ADAMTS9: variants seen among roughly 807,000 people sequenced by gnomAD.
The protein encoded by ADAMTS9 is A disintegrin and metalloproteinase with thrombospondin motifs 9.
A neutral mutation model predicts 257.1 loss-of-function variants in ADAMTS9; 107 were observed. That is an observed-to-expected ratio of 0.42 (90% CI 0.36 to 0.49). ADAMTS9 has a LOEUF of 0.49. Ranked by LOEUF, ADAMTS9 falls within the 20% of genes least tolerant of loss-of-function variation. The pLI is 0.03. For synonymous variants in ADAMTS9, 982 were observed against 880.9 expected, an observed-to-expected ratio of 1.11 and a Z score of -2.03; for missense variants, 2,353 against 2,469.1, an observed-to-expected ratio of 0.95 and a Z score of 1.00.
intron 18 of ADAMTS9, among the ~76,000 whole-genome samples, chr3:64,621,524 G>A (rs952681503): frequency 3.9e-5 from 6 of 152,140 alleles, no homozygotes; most frequent in Admixed American, 3.9e-4. Context: ...CATTTTGGGA[G>A]GCTGAGGTGG....
intron 20 of ADAMTS9, 122 bp downstream of exon 20, chr3:64,615,838 T>G: frequency 1.7e-6 from 2 of 1,190,654 alleles, no homozygotes; most frequent in Non-Finnish European, 2.4e-6. Flanking sequence ...GGGTCAGGCA[T>G]TACAAATCAA....
chr3:64,643,617 T>C (rs1700714864), intron 11 of ADAMTS9, among the ~76,000 whole-genome samples: 1 of 151,618 alleles, frequency 6.6e-6, no homozygotes, highest in Admixed American at 6.6e-5. Flanking sequence ...CATGCTCAGC[T>C]AAATTTTTTT....
intron 23 of ADAMTS9, 63 bp downstream of exon 23, chr3:64,606,897 A>T (rs1345707271): frequency 6.3e-7 from 1 of 1,598,250 alleles, no homozygotes; most frequent in Non-Finnish European, 8.5e-7. Context: ...TTGTCTAAAC[A>T]GCTGGGCAGT....
At chr3:64,532,913 T>G (rs2083000767) in intron 38 of ADAMTS9, among the ~76,000 whole-genome samples, 1 of 152,218 alleles carries the variant, frequency 6.6e-6, no homozygotes, top group African/African-American at 2.4e-5. Context: ...GTGGTTTTTC[T>G]AATTACTTGG....
intron 37 of ADAMTS9, among the ~76,000 whole-genome samples, chr3:64,537,881 C>T (rs1559752301): frequency 1.3e-5 from 2 of 152,190 alleles, no homozygotes; most frequent in East Asian, 1.9e-4. Context: ...TAAAGACTAA[C>T]GTCTGCTTTG....
chr3:64,545,693 C>T (rs2083188077), intron 32 of ADAMTS9, among the ~76,000 whole-genome samples: 1 of 152,112 alleles, frequency 6.6e-6, no homozygotes, highest in East Asian at 1.9e-4. Context: ...ACCAACATGG[C>T]ACATGTATAC....
At chr3:64,573,859 T>C (rs2083762485) in intron 28 of ADAMTS9, among the ~76,000 whole-genome samples, 1 of 152,138 alleles carries the variant, frequency 6.6e-6, no homozygotes, top group Admixed American at 6.5e-5. Context: ...AGAAAGACCA[T>C]AAACACAAGG....
At chr3:64,536,831 A>C (rs2083056721) in intron 37 of ADAMTS9, among the ~76,000 whole-genome samples, 1 of 152,228 alleles carries the variant, frequency 6.6e-6, no homozygotes, top group Admixed American at 6.5e-5. Flanking sequence ...AGGATAAAAA[A>C]TATTCTGGTT....
chr3:64,580,050 G>A (rs2083955992), intron 28 of ADAMTS9, among the ~76,000 whole-genome samples: 1 of 152,076 alleles, frequency 6.6e-6, no homozygotes, highest in African/African-American at 2.4e-5. Context: ...ATATAATGTT[G>A]TTTCCTCTCC....
At chr3:64,546,486 T>C (rs888049645) in intron 32 of ADAMTS9, among the ~76,000 whole-genome samples, 1 of 152,216 alleles carries the variant, frequency 6.6e-6, no homozygotes, top group Non-Finnish European at 1.5e-5. Context: ...ACACAAAGGT[T>C]ATGCAACTTG....
Position 64,633,805 on chromosome 3 carries a change from T to C in ADAMTS9, c.1931A>G (p.Lys644Arg). Reference sequence around the variant, plus strand: ...TTCATCTCGGAAGTCTCGCTTCTGCTTGAGACATGGCTCCGTGTTGCAGGA... The same window carrying C: ...TTCATCTCGGAAGTCTCGCTTCTGCCTGAGACATGGCTCCGTGTTGCAGGA... ...FKSCNTEPCL[K>R]QKRDFRDEQC... is the part of the protein sequence containing the mutation. The change falls in exon 13 of 40, where the codon AAG becomes AGG. Residue 644 changes from lysine to arginine, a missense_variant. By Grantham distance (26) the Lys-to-Arg change is conservative. Transcript: ENST00000498707. 1 of 1,613,474 alleles carries C rather than the reference T, an allele frequency of 6.2e-7. No individual in the cohort carries two copies. Among genetic ancestry groups the C allele is most frequent in the Middle Eastern group, 1.7e-4 (1 of 6,058 alleles).
At chr3:64,533,502 T>C (rs1435868362) in intron 37 of ADAMTS9, among the ~76,000 whole-genome samples, 2 of 152,226 alleles carry the variant, frequency 1.3e-5, no homozygotes, top group Admixed American at 6.5e-5. Flanking sequence ...TCTTTACAGA[T>C]AGGGAAACTG....
chr3:64,634,052 A>G (rs541585469), intron 12 of ADAMTS9, among the ~76,000 whole-genome samples, 173 bp from the exon 13 acceptor site: 10 of 152,106 alleles, frequency 6.6e-5, no homozygotes, highest in Admixed American at 3.9e-4. Flanking sequence ...CTTCAATACC[A>G]TGATGTGTAT....
intron 16 of ADAMTS9, among the ~76,000 whole-genome samples, chr3:64,624,905 C>G (rs1700191039): frequency 6.6e-6 from 1 of 152,238 alleles, no homozygotes; most frequent in South Asian, 2.1e-4. Context: ...CCTGGTACCA[C>G]TGCTCCTTGA....
chr3:64,681,234 G>T lies in ADAMTS9; in HGVS notation c.646C>A (p.Pro216Thr). The T allele has an allele frequency of 6.8e-6, 11 of 1,613,580 alleles. No homozygotes were observed. Among genetic ancestry groups the T allele is most frequent in the Non-Finnish European group, 8.5e-6 (10 of 1,179,822 alleles). Reference protein sequence around the residue: ...IYRRSAPQREPSTGRHACDTS... With the variant: ...IYRRSAPQRETSTGRHACDTS... Reference sequence around the variant, plus strand: ...TCACATGCATGCCTTCCTGTTGAGGGCTCTCTCTGGGGGGCGCTGCGCCTA... The same window carrying T: ...TCACATGCATGCCTTCCTGTTGAGGTCTCTCTCTGGGGGGCGCTGCGCCTA... The change falls in exon 3 of 40, where the codon CCC (proline) becomes ACC (threonine). Residue 216 changes from proline to threonine, a missense_variant. Physicochemically the swap from Pro to Thr is conservative, Grantham distance 38. Coordinates refer to ENST00000498707, the MANE Select transcript of ADAMTS9 (RefSeq NM_182920.2).
intron 12 of ADAMTS9, among the ~76,000 whole-genome samples, chr3:64,637,820 C>T (rs778910562): frequency 1.3e-5 from 2 of 152,276 alleles, no homozygotes; most frequent in Non-Finnish European, 1.5e-5. Context: ...GGAGCTGTAC[C>T]AGCCCATCTT....
chr3:64,534,074 T>A (rs2083016709), intron 37 of ADAMTS9, among the ~76,000 whole-genome samples: 1 of 152,190 alleles, frequency 6.6e-6, no homozygotes, highest in Admixed American at 6.5e-5. Context: ...AATGAGCAGT[T>A]TCAGAGCTAA....
intron 3 of ADAMTS9, among the ~76,000 whole-genome samples, chr3:64,663,779 C>T (rs1327518251): frequency 6.6e-6 from 1 of 152,072 alleles, no homozygotes; most frequent in African/African-American, 2.4e-5. Flanking sequence ...GGATCAAAAG[C>T]AATATCTTCT....
rs148488155 is a variant in ADAMTS9 at position 64,541,861 on chromosome 3, T to A, written c.5174A>T (p.Lys1725Ile). The A allele has an allele frequency of 1.6e-5, 26 of 1,614,194 alleles. No individual in the cohort carries two copies. Among genetic ancestry groups the A allele is most frequent in the Middle Eastern group, 3.3e-4 (2 of 6,062 alleles). ...CHTDLKPEER[K>I]TCRNVYNCEL... ...ACAGTTATAGACATTACGGCAGGTT[T>A]TTCGTTCTTCTGGCTTCAGATCAGT... Residue 1725 changes from lysine (K) to isoleucine (I), a missense_variant, in exon 33 of 40, where the codon AAA becomes ATA. By Grantham distance (102) the Lys-to-Ile change is moderately radical. Transcript: ENST00000498707.
Sources: gnomAD v4.1 joint callset for allele counts (sites outside exome capture counted in the v4.1 genomes callset) on GRCh38, gnomAD v4.1.1 for gene constraint, MANE v1.5 for transcripts, NCBI Gene and HGNC (gene_info 2026-07-23, HGNC 2026-07-21) for gene names.